PDLIM5: variants seen among roughly 807,000 people sequenced by gnomAD.
PDLIM5 encodes the protein PDZ and LIM domain protein 5.
Under a neutral mutation model 64.2 loss-of-function variants are expected in PDLIM5, and 34 were observed. The observed-to-expected ratio is 0.53, with a 90% CI of 0.40 to 0.71. The LOEUF is 0.71. PDLIM5 is among the 30% of genes least tolerant of loss of function. The pLI, the probability that PDLIM5 is intolerant of heterozygous loss-of-function variation, is 0.00. For missense variants in PDLIM5, 683 were observed against 733.6 expected (o/e 0.93, Z 0.80); for synonymous variants, 253 against 269.1 (o/e 0.94, Z 0.59).
intron 7 of PDLIM5, among the ~76,000 whole-genome samples, chr4:94,612,070 T>G (rs1212880425): frequency 6.6e-6 from 1 of 151,888 alleles, no homozygotes; most frequent in African/African-American, 2.4e-5. Context: ...ACAAAAAAAT[T>G]AGCCGGGTGT....
chr4:94,452,688 G>T (rs1722964348), intron 1 of PDLIM5, among the ~76,000 whole-genome samples: 2 of 152,182 alleles, frequency 1.3e-5, no homozygotes, highest in Non-Finnish European at 1.5e-5. Context: ...AAGGAAGGGC[G>T]TGTGGACAGG....
intron 8 of PDLIM5, among the ~76,000 whole-genome samples, 200 bp from the exon 9 acceptor site, chr4:94,640,076 T>G (rs1372898196): frequency 6.6e-6 from 1 of 152,162 alleles, no homozygotes; most frequent in African/African-American, 2.4e-5. Flanking sequence ...TTCTTTTACT[T>G]TGTTGGAATC....
At chr4:94,507,615 C>T (rs778136162) in intron 2 of PDLIM5, among the ~76,000 whole-genome samples, 16 of 152,160 alleles carry the variant, frequency 1.1e-4, no homozygotes, top group Non-Finnish European at 2.1e-4. Context: ...TTGGTCTCAG[C>T]ATTCAATAAT....
Position 94,585,563 on chromosome 4 carries a change from A to T in PDLIM5, c.711-2A>T, listed in dbSNP as rs371993371. 18 of 1,573,376 alleles carry T rather than the reference A, an allele frequency of 1.1e-5. No individual in the cohort carries two copies. Among genetic ancestry groups the T allele is most frequent in the Non-Finnish European group, 1.6e-5 (18 of 1,155,438 alleles). ...TAATTTTTTTTTTCTCCTTAACCCT[A>T]GCCCACCAAGAAAACACATTGTGGA... On this transcript the variant is annotated splice_acceptor_variant, in intron 5 of 12. Transcript: ENST00000317968. LOFTEE classifies it high-confidence loss of function.
chr4:94,457,521 TTATC>T (rs1723483455), intron 2 of PDLIM5, among the ~76,000 whole-genome samples: 2 of 152,228 alleles, frequency 1.3e-5, no homozygotes, highest in African/African-American at 4.8e-5. Flanking sequence ...TCTACTTTAA[TTATC>T]TAAAGAAAGT....
intron 8 of PDLIM5, 96 bp from the exon 9 acceptor site, chr4:94,640,180 A>G: frequency 5.0e-6 from 3 of 597,150 alleles, no homozygotes; most frequent in Non-Finnish European, 8.4e-6. Context: ...ACAAGTGAAT[A>G]GATTACTGTT....
At chr4:94,548,372 C>G (rs1167051948) in intron 3 of PDLIM5, among the ~76,000 whole-genome samples, 1 of 151,890 alleles carries the variant, frequency 6.6e-6, no homozygotes, top group Non-Finnish European at 1.5e-5. Flanking sequence ...GTCTTTAAGA[C>G]TAGAAGGAAA....
intron 2 of PDLIM5, among the ~76,000 whole-genome samples, chr4:94,489,403 T>C (rs1294464330): frequency 6.6e-6 from 1 of 152,062 alleles, no homozygotes; most frequent in East Asian, 1.9e-4. Flanking sequence ...GAATACTGAG[T>C]AGTATATAAA....
intron 5 of PDLIM5, chr4:94,585,003 G>A (rs761913466): frequency 3.0e-5 from 45 of 1,502,468 alleles, no homozygotes; most frequent in Middle Eastern, 1.7e-4. Flanking sequence ...CCACCTAAAC[G>A]GTAATCTTTC....
intron 9 of PDLIM5, among the ~76,000 whole-genome samples, chr4:94,644,087 G>A (rs888623452): frequency 2.6e-5 from 4 of 152,194 alleles, no homozygotes; most frequent in African/African-American, 4.8e-5. Context: ...GAACATAAAT[G>A]TGCAGCATCT....
At chr4:94,593,829 A>G (rs114335046) in intron 7 of PDLIM5, among the ~76,000 whole-genome samples, 444 of 152,312 alleles carry the variant, frequency 2.9e-3, no homozygotes, top group African/African-American at 0.01. Flanking sequence ...CTTGGACCCA[A>G]TTGGAAGCAT....
intron 2 of PDLIM5, among the ~76,000 whole-genome samples, chr4:94,465,683 G>A (rs1037448520): frequency 6.6e-6 from 1 of 152,134 alleles, no homozygotes; most frequent in African/African-American, 2.4e-5. Context: ...ACAGGCATGA[G>A]CCACCTTGCC....
chr4:94,473,513 G>T (rs1056447916), intron 2 of PDLIM5, among the ~76,000 whole-genome samples: 2 of 152,156 alleles, frequency 1.3e-5, no homozygotes, highest in African/African-American at 4.8e-5. Context: ...ACCCGCCTTG[G>T]CCTCCCACAG....
intron 9 of PDLIM5, among the ~76,000 whole-genome samples, chr4:94,651,588 C>T (rs965177777): frequency 4.6e-5 from 7 of 152,080 alleles, no homozygotes; most frequent in African/African-American, 1.4e-4. Context: ...CGAGACTGGA[C>T]GATACTAAAA....
At chr4:94,557,986 G>A (rs886917251) in intron 3 of PDLIM5, among the ~76,000 whole-genome samples, 1 of 152,160 alleles carries the variant, frequency 6.6e-6, no homozygotes, top group African/African-American at 2.4e-5. Context: ...TCTTGTGCCA[G>A]TTTTCAAAGG....
In PDLIM5 at chr4:94,664,953, ATG is replaced by A. The variant is rs1742999143; in HGVS notation, c.*890_*891del. ...AAGGACAATAAGATTTTTTATCAAAATGTGTCATGCCAGTAAGAGATGTTATA... is the reference window on the plus strand; with the variant it reads ...AAGGACAATAAGATTTTTTATCAAAATGTCATGCCAGTAAGAGATGTTATA... On this transcript the variant is annotated 3_prime_UTR_variant, in exon 13 of 13. Coordinates refer to ENST00000317968, the MANE Select transcript of PDLIM5 (RefSeq NM_006457.5). 1.0e-6 allele frequency: 1 copy of A among 981,652 alleles called. No homozygotes were observed. Among genetic ancestry groups the A allele is most frequent in the Non-Finnish European group, 1.2e-6 (1 of 826,614 alleles). The allele number at this position is 981,652 out of a possible 1,614,324, so 60.8% of individuals were successfully genotyped here. A position where few individuals can be genotyped will look rare whatever the true frequency, so the allele number is the denominator to read the frequency against.
intron 3 of PDLIM5, among the ~76,000 whole-genome samples, chr4:94,562,720 A>G (rs1190896680): frequency 2.6e-5 from 4 of 152,138 alleles, no homozygotes; most frequent in Non-Finnish European, 4.4e-5. Flanking sequence ...TTCTTAATCT[A>G]TTAGATTCAA....
intron 1 of PDLIM5, among the ~76,000 whole-genome samples, chr4:94,452,201 A>G (rs549564324): frequency 6.6e-6 from 1 of 152,262 alleles, no homozygotes; most frequent in South Asian, 2.1e-4. Context: ...GCGCCCGGAA[A>G]AGGGCAGCGC....
intron 1 of PDLIM5, among the ~76,000 whole-genome samples, chr4:94,452,404 C>G (rs547402948): frequency 7.5e-4 from 114 of 152,312 alleles, no homozygotes; most frequent in African/African-American, 2.6e-3. Context: ...GTCTGAGTGC[C>G]CAGTCCTGCG....
Sources: gnomAD v4.1 joint callset for allele counts (sites outside exome capture counted in the v4.1 genomes callset) on GRCh38, gnomAD v4.1.1 for gene constraint, MANE v1.5 for transcripts, NCBI Gene and HGNC (gene_info 2026-07-23, HGNC 2026-07-21) for gene names.